GSE1: variants seen among roughly 807,000 people sequenced by gnomAD.
The protein encoded by GSE1 is Gse1 coiled-coil protein.
Under a neutral mutation model 112.6 loss-of-function variants are expected in GSE1, and 32 were observed. The ratio of observed to expected loss-of-function variants is 0.28; its 90% CI spans 0.21 to 0.38. The LOEUF (loss-of-function observed/expected upper bound fraction) is 0.38, where lower values mean the gene tolerates loss of function less well. Ranked by LOEUF, GSE1 falls within the 10% of genes least tolerant of loss-of-function variation. The pLI is 1.00. For synonymous variants in GSE1, 1,115 were observed against 735.6 expected (o/e 1.52, Z -8.35); for missense variants, 2,348 against 1,699.2 (o/e 1.38, Z -6.71).
chr16:85,424,762 G>A (rs971572719), intron 2 of GSE1, among the ~76,000 whole-genome samples: 3 of 152,244 alleles, frequency 2.0e-5, no homozygotes, highest in Admixed American at 6.5e-5. Context: ...GATGCTCTGC[G>A]CCATGGCACC....
intron 1 of GSE1, among the ~76,000 whole-genome samples, chr16:85,250,151 A>G (rs1906306632): frequency 6.6e-6 from 1 of 152,048 alleles, no homozygotes; most frequent in African/African-American, 2.4e-5. Context: ...GGCCAGGCCG[A>G]GCCCTTGGCT....
rs563023102 is a variant in GSE1 at position 85,571,693 on chromosome 16, G to C, written c.37+15330G>C. Among the ~76,000 whole-genome samples, 4 of 152,186 alleles carry C rather than the reference G, an allele frequency of 2.6e-5. No individual in the cohort carries two copies. The East Asian group carries it at 5.8e-4, about 22-fold the overall frequency. ...TTTGACATTAAACACAGGAAGGACT[G>C]AGGGGGAGAAACAGGTCAGAGACTG... On this transcript the variant is annotated intron_variant, in intron 1 of 2. Transcript: ENST00000635906.
At chr16:85,326,425 T>G (rs1240296122) in intron 1 of GSE1, among the ~76,000 whole-genome samples, 1 of 152,226 alleles carries the variant, frequency 6.6e-6, no homozygotes, top group African/African-American at 2.4e-5. Flanking sequence ...CAAATCTCAT[T>G]TTGAATGGTA....
At chr16:85,507,269 C>T (rs542447182) in intron 2 of GSE1, among the ~76,000 whole-genome samples, 26 of 152,356 alleles carry the variant, frequency 1.7e-4, no homozygotes, top group East Asian at 3.9e-4. Context: ...TGCAGAGCTC[C>T]GTCCTCGGCA....
exon 1 of GSE1, chr16:85,170,252 A>G (rs930521510): frequency 1.0e-6 from 1 of 985,518 alleles, no homozygotes; most frequent in Non-Finnish European, 1.2e-6. Context: ...GCGAAGGCCC[A>G]CGCGGATGGG....
chr16:85,472,729 G>A (rs768428369), intron 2 of GSE1, among the ~76,000 whole-genome samples: 57 of 152,330 alleles, frequency 3.7e-4, no homozygotes, highest in Non-Finnish European at 6.8e-4. Context: ...TTCTGCCACC[G>A]GGAAATGACT....
chr16:85,262,210 T>A (rs2144112967), intron 1 of GSE1, among the ~76,000 whole-genome samples: 1 of 152,348 alleles, frequency 6.6e-6, no homozygotes, highest in East Asian at 1.9e-4. Flanking sequence ...TGGTTTTAAT[T>A]TATCCCCCTT....
chr16:85,333,681 TGGGCCGGCA>T (rs1441899075), intron 1 of GSE1, among the ~76,000 whole-genome samples: 1 of 152,190 alleles, frequency 6.6e-6, no homozygotes, highest in Non-Finnish European at 1.5e-5. Flanking sequence ...TCTTTGGAGC[TGGGCCGGCA>T]GGCATGGGGG....
chr16:85,247,120 T>C (rs576779028), intron 1 of GSE1, among the ~76,000 whole-genome samples: 2 of 152,220 alleles, frequency 1.3e-5, no homozygotes, highest in East Asian at 1.9e-4. Flanking sequence ...CTGGTACACC[T>C]CTCTCTTTCT....
intron 2 of GSE1, among the ~76,000 whole-genome samples, chr16:85,542,270 C>T (rs2044547252): frequency 2.0e-5 from 3 of 152,312 alleles, no homozygotes; most frequent in South Asian, 2.1e-4. Context: ...TTTGGAAACC[C>T]GTTCTGTTTC....
rs1285190496 is a variant in GSE1 at position 85,478,927 on chromosome 16, C to CTTTCTTTCTTTCTTTCTTTCTTTCTTTT, written c.2464+121285_2464+121286insTTCTTTCTTTCTTTCTTTCTTTCTTTTT. Among the ~76,000 whole-genome samples the CTTTCTTTCTTTCTTTCTTTCTTTCTTTT allele has an allele frequency of 1.6e-3, 45 of 28,058 alleles. 3 individuals carry two copies. Among genetic ancestry groups the CTTTCTTTCTTTCTTTCTTTCTTTCTTTT allele is most frequent in the African/African-American group, 6.6e-3 (43 of 6,532 alleles). The allele number at this position is 28,058 out of a possible 152,430, so 18.4% of individuals were successfully genotyped here. On this transcript the variant is annotated intron_variant, in intron 2 of 2. Coordinates refer to the GSE1 transcript ENST00000637419. ...TCTTTCTTTCTTTCTTTCTTTCTTT[C>CTTTCTTTCTTTCTTTCTTTCTTTCTTTT]TCTTTCTTTCTTTCTTTCTTTTTTT...
Position 85,339,388 on chromosome 16 carries a change from C to T in GSE1, c.2284-18075C>T, listed in dbSNP as rs57764278. Among the ~76,000 whole-genome samples the T allele has an allele frequency of 7.4e-3, 1,119 of 152,178 alleles. 12 individuals carry two copies. Among genetic ancestry groups the T allele is most frequent in the African/African-American group, 0.026 (1,062 of 41,508 alleles). On this transcript the variant is annotated intron_variant, in intron 1 of 2. Transcript: ENST00000637419. The stretch of plus-strand genomic sequence containing the variant: ...CGTGATTTCTCCGGACAAATGGCCG[C>T]GGTGCTGACGAGGCCCTGGCACGAC...
chr16:85,656,294 C>A, intron 6 of GSE1, 49 bp from the exon 7 acceptor site: 1 of 1,599,138 alleles, frequency 6.3e-7, no homozygotes. Flanking sequence ...CCAGGTCCGT[C>A]TCTTGTTCCT....
chr16:85,277,879 G>T (rs371521701), intron 1 of GSE1, among the ~76,000 whole-genome samples: 1 of 152,232 alleles, frequency 6.6e-6, no homozygotes, highest in Non-Finnish European at 1.5e-5. Flanking sequence ...CCTCTGCCTG[G>T]GACTGGCCTG....
rs556225434 is a variant in GSE1 at position 85,270,158 on chromosome 16, C to T, written c.2284-87305C>T. 5.4e-5 allele frequency among the ~76,000 whole-genome samples: 8 copies of T among 149,202 alleles called. 1 individual carries two copies. Among genetic ancestry groups the T allele is most frequent in the South Asian group, 2.1e-4 (1 of 4,750 alleles). ...CACTGGCCAGAAGGGACTGGACAGA[C>T]GCTCAGTGGTAACCTCCCCGGGCCA... On this transcript the variant is annotated intron_variant, in intron 1 of 2. Coordinates refer to the GSE1 transcript ENST00000637419.
At chr16:85,216,598 G>A (rs1367288991) in intron 1 of GSE1, among the ~76,000 whole-genome samples, 1 of 152,188 alleles carries the variant, frequency 6.6e-6, no homozygotes, top group Non-Finnish European at 1.5e-5. Flanking sequence ...TACCCAGGAG[G>A]TTGGTACTTT....
At chr16:85,497,262 G>C (rs559065568) in intron 2 of GSE1, among the ~76,000 whole-genome samples, 7 of 152,184 alleles carry the variant, frequency 4.6e-5, no homozygotes, top group African/African-American at 1.4e-4. Flanking sequence ...GTGGGTGGGC[G>C]CACCTCTGGT....
At chr16:85,636,540 C>G (rs1205392118) in intron 2 of GSE1, among the ~76,000 whole-genome samples, 4 of 152,224 alleles carry the variant, frequency 2.6e-5, no homozygotes, top group African/African-American at 9.6e-5. Flanking sequence ...GGACCCTGAC[C>G]TCACGTTTCC....
At chr16:85,441,821 C>G (rs1205271997) in intron 2 of GSE1, among the ~76,000 whole-genome samples, 1 of 152,196 alleles carries the variant, frequency 6.6e-6, no homozygotes, top group African/African-American at 2.4e-5. Context: ...CTAACCCCTG[C>G]AATGCTTTCT....
Sources: gnomAD v4.1 joint callset for allele counts (sites outside exome capture counted in the v4.1 genomes callset) on GRCh38, gnomAD v4.1.1 for gene constraint, MANE v1.5 for transcripts, NCBI Gene and HGNC (gene_info 2026-07-23, HGNC 2026-07-21) for gene names.